The following EEF2K variants were observed in gnomAD, a reference collection of about 807,000 sequenced individuals.
The protein encoded by EEF2K is eukaryotic elongation factor 2 kinase, also known as alternative protein EEF2K.
EEF2K carries 70 observed loss-of-function variants against 93.8 expected under a neutral mutation model. That is an observed-to-expected ratio of 0.75 (90% CI 0.62 to 0.91). EEF2K has a LOEUF of 0.91. EEF2K is among the 40% of genes least tolerant of loss of function. The probability of loss-of-function intolerance (pLI) is 0.00; values close to 1 mark genes in which losing one functional copy is unlikely to be tolerated. For synonymous variants in EEF2K, 376 were observed against 380.8 expected (o/e 0.99, Z 0.15); for missense variants, 935 against 972.9 (o/e 0.96, Z 0.52).
In EEF2K at chr16:22,248,853, G is replaced by A. The variant is rs2141668216; in HGVS notation, c.408+38G>A. On this transcript the variant is annotated intron_variant, in intron 4 of 17. Transcript: ENST00000263026. ...TTGAGCCCCGTGGGGACAGGGCTGA[G>A]CAAAGACTTTCTGCAGCTAACTTTG... 1.2e-6 allele frequency: 2 copies of A among 1,601,694 alleles called. 1 individual carries two copies. The highest frequency in any genetic ancestry group is 2.2e-5 in the South Asian group (2 of 90,638).
At chr16:22,241,436 G>C (rs1342689177) in intron 2 of EEF2K, among the ~76,000 whole-genome samples, 2 of 152,022 alleles carry the variant, frequency 1.3e-5, no homozygotes, top group African/African-American at 4.8e-5. Context: ...CCTGAGGTCA[G>C]GAGTTCGAGA....
At chr16:22,225,565 C>T (rs138789256) in intron 1 of EEF2K, 89 bp from the exon 2 acceptor site, 216 of 1,078,708 alleles carry the variant, frequency 2.0e-4, no homozygotes, top group Middle Eastern at 6.3e-4. Flanking sequence ...CCAGCTCCTG[C>T]GATAGCCTGC....
rs1365414147 is a variant in EEF2K, at chr16:22,287,833, T to G, written c.*3837T>G. 1 of 152,128 alleles carries G rather than the reference T, an allele frequency of 6.6e-6. No individual in the cohort carries two copies. The highest frequency in any genetic ancestry group is 1.5e-5 in the Non-Finnish European group (1 of 68,036). 9.4% of individuals were successfully genotyped at this position (152,128 alleles called of 1,614,324 possible). A position where few individuals can be genotyped will look rare whatever the true frequency, so the allele number is the denominator to read the frequency against. On this transcript the variant is annotated 3_prime_UTR_variant, in exon 18 of 18. Coordinates refer to ENST00000263026, the MANE Select transcript of EEF2K (RefSeq NM_013302.5). ...TGTTGCTATTTTAGTGGTTTTTGTT[T>G]TTTTAAGACACAAGGTCTCACTTTG...
chr16:22,273,673 C>T lies in EEF2K; in HGVS notation c.1812C>T (p.Ala604=), dbSNP rs764192330. Residue 604 remains alanine, a synonymous_variant, in exon 16 of 18, where the codon GCC becomes GCT. Transcript: ENST00000263026. ...KTKGFDYLLK[A]AEAGDRQSMI... ...AAGGATTTGATTACTTACTAAAGGCCGCTGAAGCTGGCGACAGGCAGTCCA... is the reference window on the plus strand; with the variant it reads ...AAGGATTTGATTACTTACTAAAGGCTGCTGAAGCTGGCGACAGGCAGTCCA... The T allele has an allele frequency of 1.2e-5, 19 of 1,614,026 alleles. No individual in the cohort carries two copies. Among genetic ancestry groups the T allele is most frequent in the Middle Eastern group, 3.3e-4 (2 of 6,084 alleles).
chr16:22,230,512 C>G (rs1019346043), intron 2 of EEF2K, among the ~76,000 whole-genome samples: 4 of 151,724 alleles, frequency 2.6e-5, no homozygotes, highest in African/African-American at 9.7e-5. Flanking sequence ...ACATGCCCAG[C>G]CTTTTCTTCT....
Position 22,284,098 on chromosome 16 carries a change from T to G in EEF2K, c.*102T>G. 7 of 1,047,400 alleles carry G rather than the reference T, an allele frequency of 6.7e-6. No homozygotes were observed. Among genetic ancestry groups the G allele is most frequent in the Non-Finnish European group, 9.8e-6 (7 of 716,590 alleles). The allele number at this position is 1,047,400 out of a possible 1,614,324, so 64.9% of individuals were successfully genotyped here. A position where few individuals can be genotyped will look rare whatever the true frequency, so the allele number is the denominator to read the frequency against. On this transcript the variant is annotated 3_prime_UTR_variant, in exon 18 of 18. Transcript: ENST00000263026. ...TTTAGTTTGGGGAGGGGAAGCATTT[T>G]TAAGTGTGTTGTAAAATCAAATTTT...
At chr16:22,260,574 G>A in intron 11 of EEF2K, 45 bp downstream of exon 11, 3 of 1,611,692 alleles carry the variant, frequency 1.9e-6, no homozygotes, top group Non-Finnish European at 2.5e-6. Flanking sequence ...ACCCCAGCAG[G>A]GGTAGGAGTG....
chr16:22,264,289 CAAAAAAAAAAAAAA>C (rs59993193), intron 12 of EEF2K, among the ~76,000 whole-genome samples: 5 of 39,900 alleles, frequency 1.3e-4, no homozygotes, highest in Admixed American at 3.8e-4. Context: ...GAGACTGTCT[CAAAAAAAAAAAAAA>C]AAAAAAAAAA....
chr16:22,211,996 G>A (rs759657790), intron 1 of EEF2K, among the ~76,000 whole-genome samples: 1 of 151,914 alleles, frequency 6.6e-6, no homozygotes, highest in Non-Finnish European at 1.5e-5. Flanking sequence ...GAAGTGAGAC[G>A]TGCTGTATCC....
intron 2 of EEF2K, among the ~76,000 whole-genome samples, chr16:22,233,078 A>G (rs903520940): frequency 1.3e-5 from 2 of 152,220 alleles, no homozygotes; most frequent in African/African-American, 4.8e-5. Context: ...CGCCCTCTCC[A>G]TAGAATATCA....
chr16:22,236,735 CTG>C (rs1200442849), intron 2 of EEF2K, among the ~76,000 whole-genome samples: 2 of 151,630 alleles, frequency 1.3e-5, no homozygotes, highest in African/African-American at 4.8e-5. Flanking sequence ...ACCCTCACTC[CTG>C]GCATACTCGA....
chr16:22,226,043 C>A, intron 2 of EEF2K, 68 bp downstream of exon 2: 1 of 1,579,274 alleles, frequency 6.3e-7, no homozygotes, highest in South Asian at 1.2e-5. Context: ...GGGTTGGAGT[C>A]GCTGGTTGGG....
chr16:22,224,876 C>T (rs572263246), intron 1 of EEF2K, among the ~76,000 whole-genome samples: 73 of 151,774 alleles, frequency 4.8e-4, no homozygotes, highest in Admixed American at 7.9e-4. Flanking sequence ...TCGCTTGAAC[C>T]TGGGAGGTGG....
Position 22,250,665 on chromosome 16 carries a change from A to G in EEF2K, c.420A>G (p.Arg140=), listed in dbSNP as rs1394267315. The G allele has an allele frequency of 6.2e-7, 1 of 1,614,064 alleles. No homozygotes were observed. The highest frequency in any genetic ancestry group is 1.3e-5 in the African/African-American group (1 of 74,934). Residue 140 remains arginine, a synonymous_variant, in exon 5 of 18, where the codon CGA becomes CGG. Coordinates refer to ENST00000263026, the MANE Select transcript of EEF2K (RefSeq NM_013302.5). ...GTGGTGTCTTTCAGCCCTTCGGCCG[A>G]GGAGCAATGAGGGAGTGCTTCCGGA... The part of the protein sequence containing the change: ...LIKMASQPFG[R]GAMRECFRTK...
intron 2 of EEF2K, among the ~76,000 whole-genome samples, chr16:22,242,043 T>C (rs1291205835): frequency 6.6e-6 from 1 of 151,960 alleles, no homozygotes; most frequent in Non-Finnish European, 1.5e-5. Flanking sequence ...CTCAGGAGGC[T>C]GAGGCAGGAA....
chr16:22,234,877 C>CTTTTTTTTTTTTTTT (rs1173052779), intron 2 of EEF2K, among the ~76,000 whole-genome samples: 3 of 90,620 alleles, frequency 3.3e-5, no homozygotes, highest in Non-Finnish European at 6.3e-5. Flanking sequence ...TTTTTTGTTG[C>CTTTTTTTTTTTTTTT]TTTTTTTTTT....
chr16:22,238,963 C>T (rs2047195398), intron 2 of EEF2K, among the ~76,000 whole-genome samples: 3 of 152,022 alleles, frequency 2.0e-5, no homozygotes, highest in Non-Finnish European at 4.4e-5. Flanking sequence ...AAGTGGACCA[C>T]CAGCAGCCAA....
intron 2 of EEF2K, among the ~76,000 whole-genome samples, chr16:22,238,830 C>T (rs531198527): frequency 4.6e-5 from 7 of 152,202 alleles, no homozygotes; most frequent in Non-Finnish European, 7.4e-5. Context: ...CATTCCCCAC[C>T]TGATGGTAAC....
In EEF2K at chr16:22,266,271, G is replaced by A. The variant is rs1020132035; in HGVS notation, c.1441-119G>A. On this transcript the variant is annotated intron_variant, in intron 13 of 17. Transcript: ENST00000263026. The stretch of plus-strand genomic sequence containing the variant: ...TGTTTTGCCAATAAACTTTGACATC[G>A]TGAGGGTTCACTCCCCATCTCCCTC... 5.5e-5 allele frequency: 77 copies of A among 1,393,616 alleles called. 1 individual carries two copies. The highest frequency in any genetic ancestry group is 4.9e-4 in the Admixed American group (20 of 40,646). 86.3% of individuals were successfully genotyped at this position (1,393,616 alleles called of 1,614,324 possible). A position where few individuals can be genotyped will look rare whatever the true frequency, so the allele number is the denominator to read the frequency against.
Sources: gnomAD v4.1 joint callset for allele counts (sites outside exome capture counted in the v4.1 genomes callset) on GRCh38, gnomAD v4.1.1 for gene constraint, MANE v1.5 for transcripts, NCBI Gene and HGNC (gene_info 2026-07-23, HGNC 2026-07-21) for gene names.